Variants in CD320 observed in about 807,000 individuals in gnomAD.
CD320 encodes CD320 molecule.
CD320 carries 16 observed loss-of-function variants against 22.1 expected under a neutral mutation model. The observed-to-expected ratio is 0.73, with a 90% CI of 0.49 to 1.10. The LOEUF (loss-of-function observed/expected upper bound fraction) is 1.10, where lower values mean the gene tolerates loss of function less well. Ranked by LOEUF, CD320 falls within the 50% of genes least tolerant of loss-of-function variation. CD320 has a pLI of 0.00. For synonymous variants in CD320, 188 were observed against 167.8 expected (o/e 1.12, Z -0.93); for missense variants, 388 against 376.9 (o/e 1.03, Z -0.24).
chr19:8,307,332 T>C (rs1227679193), intron 1 of CD320, among the ~76,000 whole-genome samples: 1 of 109,182 alleles, frequency 9.2e-6, no homozygotes, highest in African/African-American at 4.0e-5. Context: ...GAACGCTGCC[T>C]CCTTAAAAAA....
chr19:8,304,648 CCT>C (rs1035603514), intron 2 of CD320: 5 of 254,416 alleles, frequency 2.0e-5, no homozygotes, highest in East Asian at 1.0e-4. Context: ...TGGCTCCCTC[CCT>C]CTCTCTTTCC....
intron 2 of CD320, 128 bp downstream of exon 2, chr19:8,304,903 G>A (rs1970065325): frequency 9.1e-7 from 1 of 1,103,296 alleles, no homozygotes; most frequent in Admixed American, 1.8e-5. Flanking sequence ...ATGACCCACA[G>A]ACCCAAGTCG....
intron 2 of CD320, among the ~76,000 whole-genome samples, 199 bp from the exon 3 acceptor site, chr19:8,304,287 C>A (rs1248639583): frequency 6.6e-6 from 1 of 152,200 alleles, no homozygotes; most frequent in Non-Finnish European, 1.5e-5. Flanking sequence ...CCCCTGAGAC[C>A]CCACTAGCTC....
In CD320 at chr19:8,304,998, C is replaced by T. The variant is rs935139473; in HGVS notation, c.268+33G>A. 11 of 1,599,220 alleles carry T rather than the reference C, an allele frequency of 6.9e-6. No homozygotes were observed. The East Asian group carries it at 2.2e-4, about 32-fold the overall frequency. ...ACAAACCACCCTCAGGCCCCGCCCC[C>T]TGTAAGCCCCGCCAAGGGGCGTGGC... On this transcript the variant is annotated intron_variant, in intron 2 of 4. Coordinates refer to ENST00000301458, the MANE Select transcript of CD320 (RefSeq NM_016579.4).
chr19:8,304,625 G>A (rs1026736651), intron 2 of CD320: 1 of 259,320 alleles, frequency 3.9e-6, no homozygotes, highest in African/African-American at 2.2e-5. Context: ...TTACATGTGT[G>A]AGCCACCGTA....
Position 8,302,925 on chromosome 19 carries a change from G to T in CD320, c.558C>A (p.Thr186=). Residue 186 remains threonine, a synonymous_variant, in exon 4 of 5, where the codon ACC becomes ACA. Coordinates refer to ENST00000301458, the MANE Select transcript of CD320 (RefSeq NM_016579.4). ...GDATTMGPPV[T]LESVTSLRNA... is the part of the protein sequence containing the mutation. ...TCCTGAGAGAGGTGACACTCTCCAG[G>T]GTCACAGGGGGCCCCATGGTTGTGG... is the stretch of plus-strand genomic sequence containing the variant. The T allele has an allele frequency of 6.2e-7, 1 of 1,613,830 alleles. No homozygotes were observed.
In CD320 at chr19:8,302,274, C is replaced by T. The variant is rs9426; in HGVS notation, c.*189G>A. ...TTCCCCATCCTAGCTCCCCGGATCTCCATAGGGAGTGTCCAGGGACCCTCA... is the reference window on the plus strand; with the variant it reads ...TTCCCCATCCTAGCTCCCCGGATCTTCATAGGGAGTGTCCAGGGACCCTCA... On this transcript the variant is annotated 3_prime_UTR_variant, in exon 5 of 5. Coordinates refer to ENST00000301458, the MANE Select transcript of CD320 (RefSeq NM_016579.4). 45,082 of 756,224 alleles carry T rather than the reference C, an allele frequency of 0.06. 3,302 individuals are homozygous for T. Among genetic ancestry groups the T allele is most frequent in the African/African-American group, 0.3 (17,521 of 58,222 alleles). The allele number at this position is 756,224 out of a possible 1,614,324, so 46.8% of individuals were successfully genotyped here. A position where few individuals can be genotyped will look rare whatever the true frequency, so the allele number is the denominator to read the frequency against.
At chr19:8,304,480 T>C (rs1397164745) in intron 2 of CD320, among the ~76,000 whole-genome samples, 3 of 152,026 alleles carry the variant, frequency 2.0e-5, no homozygotes, top group Non-Finnish European at 4.4e-5. Context: ...CTAGCTGGGA[T>C]TACAGGGGCC....
Position 8,302,318 on chromosome 19 carries a change from G to T in CD320, c.*145C>A. On this transcript the variant is annotated 3_prime_UTR_variant, in exon 5 of 5. Transcript: ENST00000301458. ...ACCCTCAATCTCCAGGGCCACTTCT[G>T]CAGGAGCTCGGGTTCGAGGTTCCAC... 1.0e-6 allele frequency: 1 copy of T among 1,004,740 alleles called. No individual in the cohort carries two copies. Among genetic ancestry groups the T allele is most frequent in the Non-Finnish European group, 1.6e-6 (1 of 640,352 alleles). The allele number at this position is 1,004,740 out of a possible 1,614,324, so 62.2% of individuals were successfully genotyped here. A position where few individuals can be genotyped will look rare whatever the true frequency, so the allele number is the denominator to read the frequency against.
rs1410201436 is a variant in CD320 at position 8,305,093 on chromosome 19, G to A, written c.206C>T (p.Pro69Leu). 1 of 1,613,108 alleles carries A rather than the reference G, an allele frequency of 6.2e-7. No homozygotes were observed. The highest frequency in any genetic ancestry group is 8.5e-7 in the Non-Finnish European group (1 of 1,179,904). Residue 69 changes from proline to leucine, a missense_variant, in exon 2 of 5, where the codon CCC becomes CTC. By Grantham distance (98) the Pro-to-Leu change is moderately conservative (BLOSUM62 -3). Coordinates refer to ENST00000301458, the MANE Select transcript of CD320 (RefSeq NM_016579.4). Reference protein sequence around the residue: ...FQCRTSGLCVPLTWRCDRDLD... With the variant: ...FQCRTSGLCVLLTWRCDRDLD... Reference sequence around the variant, plus strand: ...GTCCCTGTCGCAGCGCCAGGTGAGGGGCACGCATAAGCCACTGGTGCGGCA... The same window carrying A: ...GTCCCTGTCGCAGCGCCAGGTGAGGAGCACGCATAAGCCACTGGTGCGGCA...
Position 8,302,829 on chromosome 19 carries a change from AGAG to A in CD320, c.651_653del (p.Ser218del). On this transcript the variant is annotated inframe_deletion, in exon 4 of 5. Coordinates refer to ENST00000301458, the MANE Select transcript of CD320 (RefSeq NM_016579.4). ...TTGGGCTTCCAGACTGGTCTCCGGC[AGAG>A]GAGGATGTGGCATTCCCGACAGAGG... is the stretch of plus-strand genomic sequence containing the variant. 6.2e-7 allele frequency: 1 copy of A among 1,614,120 alleles called. No individual in the cohort carries two copies. The highest frequency in any genetic ancestry group is 8.5e-7 in the Non-Finnish European group (1 of 1,179,984).
chr19:8,304,408 TCTCGA>T (rs1251288347), intron 2 of CD320, among the ~76,000 whole-genome samples: 1 of 152,166 alleles, frequency 6.6e-6, no homozygotes, highest in African/African-American at 2.4e-5. Context: ...AGTGGCGCAA[TCTCGA>T]CTCACTGAAA....
chr19:8,303,091 A>T, intron 3 of CD320, 111 bp from the exon 4 acceptor site: 1 of 563,538 alleles, frequency 1.8e-6, no homozygotes. Context: ...AGGCTGGGTG[A>T]AGCTGACTGC....
At chr19:8,305,797 C>A (rs1291614540) in intron 1 of CD320, 1 of 152,840 alleles carries the variant, frequency 6.5e-6, no homozygotes, top group Non-Finnish European at 1.5e-5. Flanking sequence ...CTCCTCATAG[C>A]GAGATGATCT....
Position 8,303,913 on chromosome 19 carries a change from G to A in CD320, c.444C>T (p.Leu148=), listed in dbSNP as rs1970047660. Residue 148 remains leucine (L), a synonymous_variant, in exon 3 of 5, where the codon CTC becomes CTT. Transcript: ENST00000301458. ...CTGGGTGGCCGTCGCAGCGCCACGT[G>A]AGTGGAATGCAGTCATCGCTCAGCG... ...RCTLSDDCIP[L]TWRCDGHPDC... The A allele has an allele frequency of 6.2e-7, 1 of 1,605,910 alleles. No individual in the cohort carries two copies.
chr19:8,302,448 G>A lies in CD320; in HGVS notation c.*15C>T, dbSNP rs1246629562. 1.9e-6 allele frequency: 3 copies of A among 1,613,962 alleles called. No individual in the cohort carries two copies. The highest frequency in any genetic ancestry group is 1.3e-5 in the African/African-American group (1 of 74,922). On this transcript the variant is annotated 3_prime_UTR_variant, in exon 5 of 5. Transcript: ENST00000301458. Reference sequence around the variant, plus strand: ...ACGCCCAGGGCTGAGTGACGGTGGTGGCAAGTGCTTGTCCTCAGGGCAGCG... The same window carrying A: ...ACGCCCAGGGCTGAGTGACGGTGGTAGCAAGTGCTTGTCCTCAGGGCAGCG...
At chr19:8,304,380 C>G (rs1970056387) in intron 2 of CD320, among the ~76,000 whole-genome samples, 1 of 152,146 alleles carries the variant, frequency 6.6e-6, no homozygotes, top group African/African-American at 2.4e-5. Context: ...TCTCCCTTTG[C>G]TGCCCAGGCT....
rs535742767 is a variant in CD320 at position 8,306,617 on chromosome 19, C to T, written c.143-1461G>A. The stretch of plus-strand genomic sequence containing the variant: ...TTACCCACCAGCCATGAGCCTCCAA[C>T]CCCCCACTCCCCACTGCCAGCCCCT... On this transcript the variant is annotated intron_variant, in intron 1 of 4. Coordinates refer to ENST00000301458, the MANE Select transcript of CD320 (RefSeq NM_016579.4). Among the ~76,000 whole-genome samples the T allele has an allele frequency of 5.9e-5, 9 of 152,320 alleles. No homozygotes were observed. The East Asian group carries it at 1.7e-3, about 29-fold the overall frequency.
rs1970122870 is a variant in CD320 at position 8,308,140 on chromosome 19, G to C, written c.142+9C>G. ...GGGGTGGGAGCCCGCGCTGCGGGGC[G>C]TCACTCACCTGCGGCCTGGGCAGAG... On this transcript the variant is annotated intron_variant, in intron 1 of 4. Coordinates refer to ENST00000301458, the MANE Select transcript of CD320 (RefSeq NM_016579.4). 1 of 1,502,452 alleles carries C rather than the reference G, an allele frequency of 6.7e-7. No individual in the cohort carries two copies. The highest frequency in any genetic ancestry group is 2.2e-5 in the Admixed American group (1 of 45,764). The allele number at this position is 1,502,452 out of a possible 1,614,324, so 93.1% of individuals were successfully genotyped here. A position where few individuals can be genotyped will look rare whatever the true frequency, so the allele number is the denominator to read the frequency against.
Sources: allele counts gnomAD v4.1 joint callset (sites outside exome capture counted in the v4.1 genomes callset), GRCh38; gene constraint gnomAD v4.1.1; transcripts MANE v1.5; gene names NCBI Gene and HGNC (gene_info 2026-07-23, HGNC 2026-07-21).